The following DYNC2I1 variants were observed in gnomAD, a reference collection of about 807,000 sequenced individuals.
DYNC2I1 encodes the protein cytoplasmic dynein 2 intermediate chain 1.
In DYNC2I1, 89 loss-of-function variants were observed where a neutral mutation model predicts 133.4. That is an observed-to-expected ratio of 0.67 (90% confidence interval 0.56 to 0.80). The LOEUF (loss-of-function observed/expected upper bound fraction) is 0.80, where lower values mean the gene tolerates loss of function less well. Ranked by LOEUF, DYNC2I1 falls within the 30% of genes least tolerant of loss-of-function variation. DYNC2I1 has a pLI of 0.00. For missense variants in DYNC2I1, 1,291 were observed against 1,314.5 expected, an observed-to-expected ratio of 0.98 and a Z score of 0.28; for synonymous variants, 504 against 484.3, an observed-to-expected ratio of 1.04 and a Z score of -0.54.
At chr7:158,880,778 A>G (rs914681965) in intron 5 of DYNC2I1, among the ~76,000 whole-genome samples, 1 of 152,186 alleles carries the variant, frequency 6.6e-6, no homozygotes, top group Non-Finnish European at 1.5e-5. Flanking sequence ...GGATTTTCCT[A>G]GAGGTGTTTT....
intron 9 of DYNC2I1, 91 bp downstream of exon 9, chr7:158,901,907 C>CT: frequency 1.0e-6 from 1 of 998,944 alleles, no homozygotes; most frequent in Admixed American, 3.1e-5. Context: ...CCTTTTTATT[C>CT]TTTTTATTAA....
intron 21 of DYNC2I1, among the ~76,000 whole-genome samples, chr7:158,932,659 G>A (rs377218374): frequency 6.6e-6 from 1 of 152,154 alleles, no homozygotes; most frequent in African/African-American, 2.4e-5. Flanking sequence ...GATGTAGATG[G>A]GTCAGTGTGG....
At chr7:158,845,572 T>G in the DYNC2I1 span, among the ~76,000 whole-genome samples, 86 of 152,304 alleles carry the variant, frequency 5.6e-4, 1 homozygote, top group African/African-American at 2.0e-3. Flanking sequence ...AAATAAGACA[T>G]TTAATATTGT....
chr7:158,927,084 A>C, intron 20 of DYNC2I1, 41 bp downstream of exon 20: 1 of 1,438,590 alleles, frequency 7.0e-7, no homozygotes, highest in South Asian at 1.2e-5. Context: ...TGTTTTCTAA[A>C]ATGAATCGAG....
intron 11 of DYNC2I1, among the ~76,000 whole-genome samples, chr7:158,909,898 C>T (rs1326569012): frequency 6.6e-6 from 1 of 152,154 alleles, no homozygotes; most frequent in Admixed American, 6.5e-5. Flanking sequence ...GTCGAGCCTC[C>T]TGCAGGCCTG....
At chr7:158,916,028 T>G (rs75396698) in intron 14 of DYNC2I1, among the ~76,000 whole-genome samples, 10,828 of 20,244 alleles carry the variant, frequency 0.53, 1,270 homozygotes, top group Admixed American at 0.59. Context: ...GTGAAACGTC[T>G]ACACGCTGGT....
chr7:158,856,687 G>C lies in DYNC2I1; in HGVS notation c.-49G>C, dbSNP rs911429781. 1.6e-6 allele frequency: 2 copies of C among 1,231,944 alleles called. No homozygotes were observed. The highest frequency in any genetic ancestry group is 1.0e-6 in the Non-Finnish European group (1 of 986,882). The allele number at this position is 1,231,944 out of a possible 1,614,324, so 76.3% of individuals were successfully genotyped here. A position where few individuals can be genotyped will look rare whatever the true frequency, so the allele number is the denominator to read the frequency against. ...AGGTGGCCTCTTCGGGGTGGACCGC[G>C]CCTGGCCGGGGCCGAGGACACCGCG... On this transcript the variant is annotated 5_prime_UTR_variant, in exon 1 of 25. Transcript: ENST00000407559.
chr7:158,888,480 T>C (rs2129481233), intron 7 of DYNC2I1, among the ~76,000 whole-genome samples: 1 of 151,698 alleles, frequency 6.6e-6, no homozygotes, highest in East Asian at 2.0e-4. Flanking sequence ...TATATATATA[T>C]ATATACGTTG....
At chr7:158,857,993 G>C (rs1412519955) in intron 1 of DYNC2I1, among the ~76,000 whole-genome samples, 1 of 152,038 alleles carries the variant, frequency 6.6e-6, no homozygotes, top group Non-Finnish European at 1.5e-5. Flanking sequence ...GTTTCTCCAT[G>C]TTGGTCAGGC....
At chr7:158,870,679 A>T (rs1842801177) in intron 2 of DYNC2I1, among the ~76,000 whole-genome samples, 1 of 151,502 alleles carries the variant, frequency 6.6e-6, no homozygotes, top group Non-Finnish European at 1.5e-5. Flanking sequence ...GGTCCTACTT[A>T]TTTTTTTTGA....
chr7:158,923,558 CT>C lies in DYNC2I1; in HGVS notation c.2095-10del, dbSNP rs772369420. ...TTCTTCTGTCATTGGCTTTCTGTGC[CT>C]TTGTCTTTTAGGTCACGTGTTGCTG... On this transcript the variant is annotated splice_polypyrimidine_tract_variant and intron_variant, in intron 16 of 24. Coordinates refer to ENST00000407559, the MANE Select transcript of DYNC2I1 (RefSeq NM_018051.5). 1.9e-6 allele frequency: 3 copies of C among 1,613,916 alleles called. No individual in the cohort carries two copies. The East Asian group carries it at 6.7e-5, about 36-fold the overall frequency.
chr7:158,892,145 G>C (rs1845290123), intron 8 of DYNC2I1, among the ~76,000 whole-genome samples: 1 of 152,202 alleles, frequency 6.6e-6, no homozygotes, highest in Admixed American at 6.5e-5. Flanking sequence ...GCCCACACTA[G>C]GTGTGTTTGC....
intron 8 of DYNC2I1, among the ~76,000 whole-genome samples, chr7:158,895,511 T>C (rs1563128557): frequency 2.0e-5 from 3 of 152,354 alleles, no homozygotes; most frequent in South Asian, 4.1e-4. Flanking sequence ...GTCCACTCTT[T>C]TCGCCAGTAC....
At position 158,910,718 on chromosome 7, in the gene DYNC2I1, C is replaced by T. The variant is rs868518997; in HGVS notation, c.1461-832C>T. On this transcript the variant is annotated intron_variant, in intron 11 of 24. Coordinates refer to ENST00000407559, the MANE Select transcript of DYNC2I1 (RefSeq NM_018051.5). The stretch of plus-strand genomic sequence containing the variant: ...CTATTTGCTGTGTCAGACCTGTGGG[C>T]GGAGGACGATTAGAGGGCAGTTGGC... 9.7e-5 allele frequency among the ~76,000 whole-genome samples: 14 copies of T among 143,948 alleles called. 1 individual carries two copies. Among genetic ancestry groups the T allele is most frequent in the African/African-American group, 3.1e-4 (12 of 38,116 alleles). The allele number at this position is 143,948 out of a possible 152,430, so 94.4% of individuals were successfully genotyped here. A position where few individuals can be genotyped will look rare whatever the true frequency, so the allele number is the denominator to read the frequency against.
intron 6 of DYNC2I1, among the ~76,000 whole-genome samples, chr7:158,884,937 C>T (rs1251556287): frequency 1.3e-5 from 2 of 152,020 alleles, no homozygotes; most frequent in African/African-American, 4.8e-5. Context: ...AACATTTGCT[C>T]ATGCAAAATT....
chr7:158,936,550 C>T (rs189440580), intron 23 of DYNC2I1, among the ~76,000 whole-genome samples: 42 of 152,336 alleles, frequency 2.8e-4, no homozygotes, highest in Admixed American at 5.2e-4. Context: ...TGCCCTGTCC[C>T]TGCCTCAGCC....
In DYNC2I1 at chr7:158,930,646, C is replaced by A. The variant is rs566070458; in HGVS notation, c.2546+131C>A. On this transcript the variant is annotated intron_variant, in intron 21 of 24. Coordinates refer to ENST00000407559, the MANE Select transcript of DYNC2I1 (RefSeq NM_018051.5). ...TCCATTTTCTCACATTGTTTTTTTA[C>A]TGTTTTGTTAGTCTATTATTTTTAT... 55 of 742,134 alleles carry A rather than the reference C, an allele frequency of 7.4e-5. No homozygotes were observed. The African/African-American group carries it at 9.7e-4, about 13-fold the overall frequency. The allele number at this position is 742,134 out of a possible 1,614,324, so 46.0% of individuals were successfully genotyped here.
chr7:158,884,201 C>T (rs531901905), intron 5 of DYNC2I1, among the ~76,000 whole-genome samples: 139 of 152,020 alleles, frequency 9.1e-4, no homozygotes, highest in African/African-American at 2.9e-3. Context: ...CCCGCCACCA[C>T]GCCCGGCTAA....
intron 15 of DYNC2I1, among the ~76,000 whole-genome samples, chr7:158,920,817 T>C (rs997845965): frequency 2.0e-5 from 3 of 152,218 alleles, no homozygotes; most frequent in African/African-American, 4.8e-5. Flanking sequence ...TCACATTAGA[T>C]TCTGATCTGT....
Sources: allele counts gnomAD v4.1 joint callset (sites outside exome capture counted in the v4.1 genomes callset), GRCh38; gene constraint gnomAD v4.1.1; transcripts MANE v1.5; gene names NCBI Gene and HGNC (gene_info 2026-07-23, HGNC 2026-07-21).